Variants in RIN3 observed in about 807,000 individuals in gnomAD.
RIN3 encodes Ras and Rab interactor 3, also known as RAB5 interacting protein 3.
A neutral mutation model predicts 76.3 loss-of-function variants in RIN3; 54 were observed. The observed-to-expected ratio is 0.71, with a 90% CI of 0.57 to 0.89. The LOEUF is 0.89. Ranked by LOEUF, RIN3 falls within the 40% of genes least tolerant of loss-of-function variation. The probability of loss-of-function intolerance (pLI) is 0.00; values close to 1 mark genes in which losing one functional copy is unlikely to be tolerated. For synonymous variants in RIN3, 576 were observed against 564.0 expected (o/e 1.02, Z -0.30); for missense variants, 1,256 against 1,322.1 (o/e 0.95, Z 0.78).
In RIN3 at chr14:92,652,115, G is replaced by A. The variant is rs774809062; in HGVS notation, c.1066G>A (p.Glu356Lys). ...CPTAGLGPLREEAMKPGAASS... is the reference protein window; with the variant it reads ...CPTAGLGPLRKEAMKPGAASS... ...CACTGCAGGCCTGGGCCCCCTCAGG[G>A]AGGAAGCGATGAAGCCAGGGGCAGC... The change falls in exon 6 of 10, where the codon GAG (glutamate) becomes AAG (lysine). Residue 356 changes from glutamate to lysine, a missense_variant. Around this residue, in one of 3 missense-constraint regions of RIN3, gnomAD observed 610 missense variants for 626.4 expected, o/e 0.97. Coordinates refer to ENST00000216487, the MANE Select transcript of RIN3 (RefSeq NM_024832.5). The surrounding 1 kb of genome is among the most constrained non-coding windows in gnomAD (Gnocchi z 6.4). 2.5e-6 allele frequency: 4 copies of A among 1,607,906 alleles called. No individual in the cohort carries two copies. The highest frequency in any genetic ancestry group is 3.3e-5 in the Admixed American group (2 of 59,934).
chr14:92,516,754 C>G (rs1000631704), intron 1 of RIN3, among the ~76,000 whole-genome samples: 7 of 152,152 alleles, frequency 4.6e-5, no homozygotes, highest in Non-Finnish European at 8.8e-5. Context: ...TCCCCTACCC[C>G]CTTGGTGCCC....
intron 7 of RIN3, among the ~76,000 whole-genome samples, chr14:92,667,524 A>T (rs1201512157): frequency 1.3e-5 from 2 of 152,180 alleles, no homozygotes; most frequent in Non-Finnish European, 2.9e-5. Context: ...CTCAAAAAAA[A>T]AAAAAATTAA....
chr14:92,534,697 G>C (rs1277248860), intron 1 of RIN3, among the ~76,000 whole-genome samples: 1 of 152,006 alleles, frequency 6.6e-6, no homozygotes, highest in Non-Finnish European at 1.5e-5. Flanking sequence ...AGTTTGTCCA[G>C]GGCAGCTGAG....
chr14:92,688,269 C>T lies in RIN3; in HGVS notation c.*17C>T, dbSNP rs1405548427. ...TTCCTGTGAGGCCCTCCCGGGGCGC[C>T]TCCCCTCACCCCCAGGCGCACGTCT... is the stretch of plus-strand genomic sequence containing the variant. On this transcript the variant is annotated 3_prime_UTR_variant, in exon 10 of 10. Transcript: ENST00000216487. 5.2e-6 allele frequency: 8 copies of T among 1,543,494 alleles called. No individual in the cohort carries two copies. Among genetic ancestry groups the T allele is most frequent in the South Asian group, 1.2e-5 (1 of 85,058 alleles).
chr14:92,565,939 A>C (rs561831936), intron 2 of RIN3, among the ~76,000 whole-genome samples: 43 of 152,316 alleles, frequency 2.8e-4, no homozygotes, highest in Non-Finnish European at 5.1e-4. Flanking sequence ...TTGAGCTGTA[A>C]GAAAGTTGCT....
chr14:92,588,639 C>A (rs1164064617), intron 3 of RIN3, among the ~76,000 whole-genome samples: 1 of 152,104 alleles, frequency 6.6e-6, no homozygotes, highest in Non-Finnish European at 1.5e-5. Context: ...AATACTCTTG[C>A]ATCAGGAGTT....
intron 2 of RIN3, among the ~76,000 whole-genome samples, chr14:92,565,904 GC>G: frequency 6.6e-6 from 1 of 152,268 alleles, no homozygotes; most frequent in Middle Eastern, 3.4e-3. Flanking sequence ...AGCTGCCCCA[GC>G]CCCTATTTAA....
intron 1 of RIN3, among the ~76,000 whole-genome samples, chr14:92,527,536 A>T (rs1310420693): frequency 1.3e-5 from 2 of 152,166 alleles, no homozygotes; most frequent in African/African-American, 4.8e-5. Flanking sequence ...TGTAATTTAC[A>T]CGGAGTAAAA....
chr14:92,559,394 G>A (rs1897697391), intron 2 of RIN3, among the ~76,000 whole-genome samples: 2 of 152,228 alleles, frequency 1.3e-5, no homozygotes, highest in African/African-American at 4.8e-5. Context: ...GGCCTGGCTA[G>A]GCTCAAGCCC....
At chr14:92,624,948 C>A (rs1176885261) in intron 4 of RIN3, among the ~76,000 whole-genome samples, 1 of 148,252 alleles carries the variant, frequency 6.7e-6, no homozygotes, top group Admixed American at 6.6e-5. Context: ...CCTCCCAGGA[C>A]GGTTCAAGTT....
chr14:92,660,083 A>G (rs77002573), intron 7 of RIN3, among the ~76,000 whole-genome samples: 3,578 of 152,316 alleles, frequency 0.023, 76 homozygotes, highest in Non-Finnish European at 0.035. Flanking sequence ...CAACAACCCT[A>G]TTTCCAAATA....
At chr14:92,517,889 C>G (rs1896485545) in intron 1 of RIN3, among the ~76,000 whole-genome samples, 1 of 152,202 alleles carries the variant, frequency 6.6e-6, no homozygotes, top group Non-Finnish European at 1.5e-5. Flanking sequence ...GTGTGTCCCC[C>G]AACAGCTCCC....
intron 2 of RIN3, among the ~76,000 whole-genome samples, chr14:92,562,280 A>G (rs1169358345): frequency 6.6e-6 from 1 of 152,168 alleles, no homozygotes; most frequent in African/African-American, 2.4e-5. Flanking sequence ...ACCACTGGTG[A>G]TGTTGACCTT....
intron 3 of RIN3, among the ~76,000 whole-genome samples, chr14:92,581,217 C>T (rs1002695458): frequency 1.3e-5 from 2 of 152,128 alleles, no homozygotes; most frequent in Non-Finnish European, 2.9e-5. Context: ...GGTCACACAG[C>T]CCCCGGCTGT....
In RIN3 at chr14:92,643,927, CAAA is replaced by C. The variant is rs373209693; in HGVS notation, c.532+2610_532+2612del. 7.2e-6 allele frequency among the ~76,000 whole-genome samples: 1 copy of C among 138,480 alleles called. No homozygotes were observed. 90.8% of individuals were successfully genotyped at this position (138,480 alleles called of 152,430 possible). A position where few individuals can be genotyped will look rare whatever the true frequency, so the allele number is the denominator to read the frequency against. ...TGGGCAACAGACTGAGACTCTGCCT[CAAA>C]AAAAAAAAAAATTAGAAGATCAAGT... is the stretch of plus-strand genomic sequence containing the variant. On this transcript the variant is annotated intron_variant, in intron 5 of 9. Coordinates refer to ENST00000216487, the MANE Select transcript of RIN3 (RefSeq NM_024832.5). This position sits in a 1 kb window ranked among gnomAD's most constrained non-coding sequence, Gnocchi z 4.8.
intron 1 of RIN3, among the ~76,000 whole-genome samples, chr14:92,551,940 C>A (rs1897438148): frequency 6.6e-6 from 1 of 152,138 alleles, no homozygotes; most frequent in Admixed American, 6.5e-5. Context: ...AATGCTTTTG[C>A]CTGCCAGTTG....
At chr14:92,559,254 G>A (rs1290966689) in intron 2 of RIN3, among the ~76,000 whole-genome samples, 1 of 152,140 alleles carries the variant, frequency 6.6e-6, no homozygotes, top group Non-Finnish European at 1.5e-5. Context: ...GTGGAAGGAG[G>A]GCTGGAGTCC....
chr14:92,592,590 A>G (rs896756429), intron 3 of RIN3, among the ~76,000 whole-genome samples: 2 of 151,286 alleles, frequency 1.3e-5, no homozygotes, highest in Admixed American at 6.6e-5. Flanking sequence ...AATACCCAAT[A>G]CAATGTAAGT....
Position 92,652,718 on chromosome 14 carries a change from G to A in RIN3, c.1669G>A (p.Glu557Lys). 3 of 1,613,678 alleles carry A rather than the reference G, an allele frequency of 1.9e-6. No homozygotes were observed. Among genetic ancestry groups the A allele is most frequent in the Non-Finnish European group, 2.5e-6 (3 of 1,180,038 alleles). ...QDSYSTSSTE[E>K]ELEQFSSPSV... ...CTCCTACTCCACCAGCAGCACGGAG[G>A]AGGAGCTGGAGCAGTTCAGCAGCCC... Residue 557 changes from glutamate (E) to lysine (K), a missense_variant, in exon 6 of 10, where the codon GAG becomes AAG. Physicochemically the swap from Glu to Lys is moderately conservative, Grantham distance 56 (BLOSUM62 1). Around this residue, in one of 3 missense-constraint regions of RIN3, gnomAD observed 428 missense variants for 521.2 expected, o/e 0.82. Coordinates refer to ENST00000216487, the MANE Select transcript of RIN3 (RefSeq NM_024832.5). This position sits in a 1 kb window ranked among gnomAD's most constrained non-coding sequence, Gnocchi z 6.4.
Sources: allele counts gnomAD v4.1 joint callset (sites outside exome capture counted in the v4.1 genomes callset), GRCh38; gene constraint gnomAD v4.1.1; regional missense constraint gnomAD v4.1.1; non-coding constraint Gnocchi (gnomAD v3.1); transcripts MANE v1.5; gene names NCBI Gene and HGNC (gene_info 2026-07-23, HGNC 2026-07-21).